Variants in MAST4 observed in about 807,000 individuals in gnomAD.
MAST4 encodes the protein microtubule-associated serine/threonine-protein kinase 4.
In MAST4, 89 loss-of-function variants were observed where a neutral mutation model predicts 162.7. That is an observed-to-expected ratio of 0.55 (90% CI 0.46 to 0.65). The LOEUF (loss-of-function observed/expected upper bound fraction) is 0.65. MAST4 is among the 30% of genes least tolerant of loss of function. The pLI, the probability that MAST4 is intolerant of heterozygous loss-of-function variation, is 0.00. For missense variants in MAST4, 3,153 were observed against 3,374.0 expected (o/e 0.93, Z 1.62); for synonymous variants, 1,479 against 1,361.1 (o/e 1.09, Z -1.91).
Position 67,128,788 on chromosome 5 carries a change from G to GA in MAST4, c.1746-1421dup, listed in dbSNP as rs780963746. ...AGTAACTAGTGGAAAATCCATTTCAGATCACATACCCCCTGTTTTATAAGG... is the reference window on the plus strand; with the variant it reads ...AGTAACTAGTGGAAAATCCATTTCAGAATCACATACCCCCTGTTTTATAAGG... On this transcript the variant is annotated intron_variant, in intron 14 of 28. Transcript: ENST00000403625. Among the ~76,000 whole-genome samples, 16 of 152,168 alleles carry GA rather than the reference G, an allele frequency of 1.1e-4. 1 individual carries two copies. Among genetic ancestry groups the GA allele is most frequent in the South Asian group, 6.2e-4 (3 of 4,832 alleles).
chr5:66,633,800 T>C (rs1744933437), intron 1 of MAST4, among the ~76,000 whole-genome samples: 1 of 152,244 alleles, frequency 6.6e-6, no homozygotes, highest in Admixed American at 6.5e-5. Flanking sequence ...AATTTGTTGC[T>C]GGACCAGTTC....
rs934387162 is a variant in MAST4, at chr5:66,648,052, G to A, written c.363+51034G>A. ...TTAGGTAATGTGTGTGTGTGTGTGT[G>A]TGTGTGTGTGTGTGTGTGTGTGTGT... On this transcript the variant is annotated intron_variant, in intron 1 of 28. Transcript: ENST00000403625. 8.9e-4 allele frequency among the ~76,000 whole-genome samples: 110 copies of A among 123,504 alleles called. No homozygotes were observed. The Middle Eastern group carries it at 0.012, about 14-fold the overall frequency. The allele number at this position is 123,504 out of a possible 152,430, so 81.0% of individuals were successfully genotyped here. A position where few individuals can be genotyped will look rare whatever the true frequency, so the allele number is the denominator to read the frequency against.
intron 5 of MAST4, among the ~76,000 whole-genome samples, chr5:67,089,733 A>T (rs1434578250): frequency 6.6e-6 from 1 of 152,198 alleles, no homozygotes; most frequent in Non-Finnish European, 1.5e-5. Context: ...GTAAACAAAA[A>T]GTACTAAGGC....
intron 3 of MAST4, among the ~76,000 whole-genome samples, chr5:66,899,478 A>G (rs574853455): frequency 6.6e-6 from 1 of 152,346 alleles, no homozygotes; most frequent in South Asian, 2.1e-4. Context: ...TAGGAAGTAC[A>G]ATATTTGGTA....
chr5:67,030,363 C>T (rs1003134161), intron 4 of MAST4, among the ~76,000 whole-genome samples: 11 of 152,042 alleles, frequency 7.2e-5, no homozygotes, highest in African/African-American at 2.4e-4. Flanking sequence ...ACCAGGTTAG[C>T]ACTGAATGAG....
chr5:66,959,990 A>G (rs1301800695), intron 4 of MAST4, among the ~76,000 whole-genome samples: 1 of 152,160 alleles, frequency 6.6e-6, no homozygotes, highest in Non-Finnish European at 1.5e-5. Context: ...GCAAATTTTT[A>G]TTTTAAATCT....
rs779736333 is a variant in MAST4 at position 67,104,470 on chromosome 5, G to C, written c.1251G>C (p.Gln417His). Reference sequence around the variant, plus strand: ...GAGTGCTTAGTTTCACTCACCACCAGATTATTGAACTGGCTCGAGATTGCT... The same window carrying C: ...GAGTGCTTAGTTTCACTCACCACCACATTATTGAACTGGCTCGAGATTGCT... ...ADGVLSFTHH[Q>H]IIELARDCLD... The change falls in exon 10 of 29, where the codon CAG becomes CAC. Residue 417 changes from glutamine to histidine, a missense_variant. By Grantham distance (24) the Gln-to-His change is conservative. This residue lies in a region of MAST4 where 360 missense variants were observed against 450.0 expected (regional missense o/e 0.80). Transcript: ENST00000403625. The C allele has an allele frequency of 6.2e-6, 10 of 1,613,894 alleles. No individual in the cohort carries two copies. The Admixed American group carries it at 1.7e-4, about 27-fold the overall frequency.
At position 67,102,660 on chromosome 5, in the gene MAST4, T is replaced by C. The variant is rs199610159; in HGVS notation, c.1146+49T>C. 4.8e-6 allele frequency: 7 copies of C among 1,456,516 alleles called. No individual in the cohort carries two copies. The East Asian group carries it at 1.4e-4, about 28-fold the overall frequency. The allele number at this position is 1,456,516 out of a possible 1,614,324, so 90.2% of individuals were successfully genotyped here. A position where few individuals can be genotyped will look rare whatever the true frequency, so the allele number is the denominator to read the frequency against. On this transcript the variant is annotated intron_variant, in intron 9 of 28. Transcript: ENST00000403625. Reference sequence around the variant, plus strand: ...CTAGCATCTAAACGAACAGGCACCATAGGTTTAGAGTCTGTAAGGTTGTTT... The same window carrying C: ...CTAGCATCTAAACGAACAGGCACCACAGGTTTAGAGTCTGTAAGGTTGTTT...
At chr5:66,981,095 A>G (rs149925094) in intron 4 of MAST4, among the ~76,000 whole-genome samples, 1 of 152,214 alleles carries the variant, frequency 6.6e-6, no homozygotes, top group Non-Finnish European at 1.5e-5. Context: ...TAGAAATTTT[A>G]AAGTCATAAG....
At chr5:67,094,219 A>G in intron 6 of MAST4, 1 of 1,285,726 alleles carries the variant, frequency 7.8e-7, no homozygotes, top group Non-Finnish European at 1.1e-6. Flanking sequence ...TGTCCACTTG[A>G]ATTTTTCCGT....
intron 14 of MAST4, among the ~76,000 whole-genome samples, chr5:67,128,060 A>C (rs1768475829): frequency 6.6e-6 from 1 of 152,160 alleles, no homozygotes; most frequent in Admixed American, 6.5e-5. Flanking sequence ...TATTTTTTTC[A>C]ACTTTTGCAA....
rs114500583 is a variant in MAST4, at chr5:66,980,754, T to C, written c.675-73650T>C. Among the ~76,000 whole-genome samples, 772 of 152,344 alleles carry C rather than the reference T, an allele frequency of 5.1e-3. 3 individuals are homozygous for C. Among genetic ancestry groups the C allele is most frequent in the African/African-American group, 0.018 (742 of 41,580 alleles). ...AATGTTTACGTAGCGTGTCTCTCTTTGCCTTTCAGTTATCACTCTTCTCCA... is the reference window on the plus strand; with the variant it reads ...AATGTTTACGTAGCGTGTCTCTCTTCGCCTTTCAGTTATCACTCTTCTCCA... On this transcript the variant is annotated intron_variant, in intron 4 of 28. Coordinates refer to ENST00000403625, the MANE Select transcript of MAST4 (RefSeq NM_001164664.2).
At chr5:67,029,710 T>A (rs1014437891) in intron 4 of MAST4, among the ~76,000 whole-genome samples, 1 of 152,160 alleles carries the variant, frequency 6.6e-6, no homozygotes, top group African/African-American at 2.4e-5. Context: ...ATTGGCAGCA[T>A]GATTTCTGTG....
chr5:67,043,824 C>A (rs1477150294), intron 4 of MAST4, among the ~76,000 whole-genome samples: 1 of 152,154 alleles, frequency 6.6e-6, no homozygotes, highest in Non-Finnish European at 1.5e-5. Context: ...TGTATCTTTT[C>A]TTAATTCCCC....
At chr5:66,659,733 C>A (rs1180766514) in intron 1 of MAST4, among the ~76,000 whole-genome samples, 3 of 152,248 alleles carry the variant, frequency 2.0e-5, no homozygotes, top group African/African-American at 7.2e-5. Flanking sequence ...ATAGTCTTCA[C>A]AGGCAGCTTA....
intron 9 of MAST4, among the ~76,000 whole-genome samples, chr5:67,104,027 A>G (rs1350565342): frequency 6.6e-6 from 1 of 152,166 alleles, no homozygotes; most frequent in African/African-American, 2.4e-5. Flanking sequence ...CTGCTTTTTT[A>G]TAGCAACTTT....
intron 4 of MAST4, among the ~76,000 whole-genome samples, chr5:66,950,264 A>T (rs1278794929): frequency 6.7e-6 from 1 of 149,858 alleles, no homozygotes; most frequent in Non-Finnish European, 1.5e-5. Context: ...AGTTGTGGGG[A>T]ATATACCTAA....
intron 4 of MAST4, among the ~76,000 whole-genome samples, chr5:67,028,909 G>A (rs948385600): frequency 3.9e-5 from 6 of 152,006 alleles, no homozygotes; most frequent in African/African-American, 1.2e-4. Context: ...TGGGTGAATC[G>A]CTTAAGCCAA....
intron 1 of MAST4, among the ~76,000 whole-genome samples, chr5:66,671,961 T>C (rs568311625): frequency 3.3e-5 from 5 of 152,348 alleles, no homozygotes; most frequent in East Asian, 3.9e-4. Context: ...GTGTCTTACA[T>C]TGGCAAACTA....
Sources: allele counts gnomAD v4.1 joint callset (sites outside exome capture counted in the v4.1 genomes callset), GRCh38; gene constraint gnomAD v4.1.1; regional missense constraint gnomAD v4.1.1; transcripts MANE v1.5; gene names NCBI Gene and HGNC (gene_info 2026-07-23, HGNC 2026-07-21).